The following BRD10 variants were observed in gnomAD, a reference collection of about 807,000 sequenced individuals.
BRD10 encodes the protein uncharacterized bromodomain-containing protein 10.
the BRD10 span, among the ~76,000 whole-genome samples, chr9:5,884,719 T>C: frequency 2.0e-5 from 3 of 152,230 alleles, no homozygotes; most frequent in Non-Finnish European, 4.4e-5. Context: ...TAGTGAACCC[T>C]GGTGTTGACT....
At chr9:5,954,590 T>C in the BRD10 span, among the ~76,000 whole-genome samples, 1 of 152,192 alleles carries the variant, frequency 6.6e-6, no homozygotes, top group Non-Finnish European at 1.5e-5. Context: ...AGCTCTGCAC[T>C]CACCTAATAG....
At chr9:5,944,417 T>G in the BRD10 span, among the ~76,000 whole-genome samples, 1 of 152,116 alleles carries the variant, frequency 6.6e-6, no homozygotes, top group Non-Finnish European at 1.5e-5. Flanking sequence ...TAAAGGTTCT[T>G]TAAAAAGTCA....
At chr9:6,007,226 T>C in the BRD10 span, 1 of 1,613,668 alleles carries the variant, frequency 6.2e-7, no homozygotes, top group Non-Finnish European at 8.5e-7. Context: ...TGCTCCAGCA[T>C]CATCTCCAGC....
chr9:6,008,454 C>G, the BRD10 span, among the ~76,000 whole-genome samples: 2 of 152,040 alleles, frequency 1.3e-5, no homozygotes, highest in African/African-American at 2.4e-5. Context: ...AAGAAAGAGG[C>G]CCTGTCGCCA....
chr9:5,889,915 C>A, the BRD10 span, among the ~76,000 whole-genome samples: 2 of 152,202 alleles, frequency 1.3e-5, no homozygotes, highest in African/African-American at 2.4e-5. Flanking sequence ...AAAATTTCAT[C>A]TATCCCTTTC....
chr9:5,918,978 A>G, the BRD10 span: 1 of 152,638 alleles, frequency 6.6e-6, no homozygotes, highest in Non-Finnish European at 1.5e-5. Context: ...TATTCTTTCA[A>G]TGGAACAAGA....
At chr9:5,971,718 T>G in the BRD10 span, among the ~76,000 whole-genome samples, 909 of 151,932 alleles carry the variant, frequency 6.0e-3, 12 homozygotes, top group African/African-American at 0.021. Flanking sequence ...GTGCTTAGAG[T>G]TTTATGGAGT....
the BRD10 span, among the ~76,000 whole-genome samples, chr9:5,881,051 T>G: frequency 2.0e-5 from 3 of 152,156 alleles, no homozygotes; most frequent in Non-Finnish European, 2.9e-5. Flanking sequence ...GGAAATCACC[T>G]AACTCATCCA....
At chr9:5,892,048 A>T in the BRD10 span, among the ~76,000 whole-genome samples, 141,650 of 152,330 alleles carry the variant, frequency 0.93, 66,265 homozygotes, top group Non-Finnish European at 0.99. Flanking sequence ...TAACTCCTCT[A>T]ATTTTGTTAG....
the BRD10 span, among the ~76,000 whole-genome samples, chr9:6,000,875 T>C: frequency 2.1e-4 from 32 of 152,174 alleles, no homozygotes; most frequent in African/African-American, 6.5e-4. Flanking sequence ...TTGGCTCCCT[T>C]GTATTTTTAC....
the BRD10 span, among the ~76,000 whole-genome samples, chr9:5,982,286 A>G: frequency 6.6e-6 from 1 of 152,164 alleles, no homozygotes; most frequent in African/African-American, 2.4e-5. Flanking sequence ...GACACTGGAC[A>G]AACAGTGCAG....
the BRD10 span, chr9:5,929,004 A>G: frequency 9.4e-7 from 1 of 1,068,762 alleles, no homozygotes; most frequent in Non-Finnish European, 1.4e-6. Flanking sequence ...TAAATTAAGG[A>G]CCATAAAATA....
the BRD10 span, among the ~76,000 whole-genome samples, chr9:5,936,681 A>C: frequency 1.3e-5 from 2 of 152,182 alleles, no homozygotes; most frequent in Non-Finnish European, 2.9e-5. Context: ...GTTTTGACAT[A>C]ATTTCCCAAC....
the BRD10 span, among the ~76,000 whole-genome samples, chr9:5,902,242 T>C: frequency 6.6e-6 from 1 of 150,420 alleles, no homozygotes; most frequent in Non-Finnish European, 1.5e-5. Context: ...ACAGATTGTG[T>C]CTTTCAAAGA....
the BRD10 span, among the ~76,000 whole-genome samples, chr9:5,901,814 G>A: frequency 1.8e-3 from 275 of 152,276 alleles, 2 homozygotes; most frequent in African/African-American, 6.5e-3. Flanking sequence ...GAGCCACCAC[G>A]CCTGGCCTGA....
At chr9:6,004,607 T>C in the BRD10 span, among the ~76,000 whole-genome samples, 2 of 152,224 alleles carry the variant, frequency 1.3e-5, no homozygotes, top group African/African-American at 2.4e-5. Context: ...CTTACAAATA[T>C]ATTCCAGAAG....
At chr9:5,923,630 A>G in the BRD10 span, among the ~76,000 whole-genome samples, 1 of 152,178 alleles carries the variant, frequency 6.6e-6, no homozygotes, top group Non-Finnish European at 1.5e-5. Context: ...ACCCAAATAA[A>G]CAATCAGGGC....
chr9:5,918,171 G>T, the BRD10 span, among the ~76,000 whole-genome samples: 2 of 152,090 alleles, frequency 1.3e-5, no homozygotes, highest in African/African-American at 2.4e-5. Context: ...CATAAATAGC[G>T]GTTTCTGAGA....
chr9:5,993,451 T>C, the BRD10 span, among the ~76,000 whole-genome samples: 5 of 152,148 alleles, frequency 3.3e-5, no homozygotes, highest in East Asian at 9.6e-4. Context: ...AAAGATGTGA[T>C]GTTTATTTAA....
Sources: gnomAD v4.1 joint callset for allele counts (sites outside exome capture counted in the v4.1 genomes callset) on GRCh38, gnomAD v4.1.1 for gene constraint, MANE v1.5 for transcripts, NCBI Gene and HGNC (gene_info 2026-07-23, HGNC 2026-07-21) for gene names.